The following STXBP5L variants were observed in gnomAD, a reference collection of about 807,000 sequenced individuals.
STXBP5L encodes syntaxin-binding protein 5-like.
A neutral mutation model predicts 144.5 loss-of-function variants in STXBP5L; 65 were observed. That is an observed-to-expected ratio of 0.45 (90% CI 0.37 to 0.55). The LOEUF is 0.55. Ranked by LOEUF, STXBP5L falls within the 20% of genes least tolerant of loss-of-function variation. The pLI, the probability that STXBP5L is intolerant of heterozygous loss-of-function variation, is 0.00. For missense variants in STXBP5L, 1,298 were observed against 1,405.5 expected (o/e 0.92, Z 1.22); for synonymous variants, 505 against 469.6 (o/e 1.08, Z -0.97).
In STXBP5L at chr3:121,206,019, AGGGAAAGAGG is replaced by A. The variant is rs2048321892; in HGVS notation, c.956+20_956+29del. Reference sequence around the variant, plus strand: ...AAAAACAGGTATGCATTTTTACTTTAGGGAAAGAGGGATACGAAGCAGAGACAAAAAATGC... The same window carrying A: ...AAAAACAGGTATGCATTTTTACTTTAGATACGAAGCAGAGACAAAAAATGC... On this transcript the variant is annotated intron_variant, in intron 10 of 26. Transcript: ENST00000471454. 1.4e-6 allele frequency: 2 copies of A among 1,408,726 alleles called. No homozygotes were observed. The allele number at this position is 1,408,726 out of a possible 1,614,324, so 87.3% of individuals were successfully genotyped here. A position where few individuals can be genotyped will look rare whatever the true frequency, so the allele number is the denominator to read the frequency against.
Position 121,104,475 on chromosome 3 carries a change from T to A in STXBP5L, c.471-10450T>A, listed in dbSNP as rs371583879. ...AGCAAAAAGAACAAATCTGGAGGCA[T>A]CACATGACCCGACTTCAAACTATAC... On this transcript the variant is annotated intron_variant, in intron 5 of 26. Transcript: ENST00000471454. Among the ~76,000 whole-genome samples, 8 of 152,264 alleles carry A rather than the reference T, an allele frequency of 5.3e-5. No individual in the cohort carries two copies. In the East Asian group the frequency reaches 1.5e-3, roughly 29 times the overall value.
chr3:121,187,158 C>G (rs1238094338), intron 9 of STXBP5L, among the ~76,000 whole-genome samples: 2 of 152,064 alleles, frequency 1.3e-5, no homozygotes, highest in African/African-American at 4.8e-5. Flanking sequence ...AGACTTGGAA[C>G]CAACTATGAT....
chr3:121,244,825 A>C (rs891556149), intron 14 of STXBP5L, among the ~76,000 whole-genome samples: 1 of 152,090 alleles, frequency 6.6e-6, no homozygotes, highest in African/African-American at 2.4e-5. Context: ...TTAGAATGCT[A>C]TATTTGTCAT....
intron 3 of STXBP5L, among the ~76,000 whole-genome samples, chr3:120,973,622 C>T (rs1940545837): frequency 6.6e-6 from 1 of 151,780 alleles, no homozygotes; most frequent in African/African-American, 2.4e-5. Flanking sequence ...ATACTTGTGC[C>T]ATTCTGGTGT....
chr3:121,235,859 A>T (rs556307074), intron 12 of STXBP5L, among the ~76,000 whole-genome samples: 58 of 151,906 alleles, frequency 3.8e-4, no homozygotes, highest in African/African-American at 1.2e-3. Flanking sequence ...ACACACACAC[A>T]CACACTATAT....
At chr3:121,347,333 C>T (rs370575149) in intron 20 of STXBP5L, among the ~76,000 whole-genome samples, 4 of 152,104 alleles carry the variant, frequency 2.6e-5, no homozygotes, top group Non-Finnish European at 5.9e-5. Flanking sequence ...GGTACCAGTA[C>T]CATGCTGTTT....
chr3:121,372,746 T>G (rs2046070590), intron 20 of STXBP5L, among the ~76,000 whole-genome samples: 1 of 151,990 alleles, frequency 6.6e-6, no homozygotes, highest in African/African-American at 2.4e-5. Context: ...CCTGGTCTCT[T>G]GGTGGGAGAT....
chr3:120,971,270 TG>T (rs1248855220), intron 3 of STXBP5L, among the ~76,000 whole-genome samples: 1 of 152,098 alleles, frequency 6.6e-6, no homozygotes, highest in African/African-American at 2.4e-5. Flanking sequence ...AGTGCAATTT[TG>T]TTACATGGAT....
chr3:121,158,009 T>C (rs2046181961), intron 9 of STXBP5L: 1 of 156,714 alleles, frequency 6.4e-6, no homozygotes, highest in African/African-American at 2.4e-5. Flanking sequence ...TACTACTTTA[T>C]AGTCTGTTGT....
intron 4 of STXBP5L, among the ~76,000 whole-genome samples, chr3:121,042,421 T>G (rs1487859967): frequency 6.6e-6 from 1 of 152,168 alleles, no homozygotes; most frequent in Non-Finnish European, 1.5e-5. Flanking sequence ...AATCAGATTT[T>G]TATAGTGGAA....
intron 19 of STXBP5L, among the ~76,000 whole-genome samples, chr3:121,286,475 A>G (rs1457572887): frequency 6.6e-6 from 1 of 152,192 alleles, no homozygotes; most frequent in African/African-American, 2.4e-5. Flanking sequence ...TTAAGTACAT[A>G]GTGATGAGTG....
intron 19 of STXBP5L, among the ~76,000 whole-genome samples, chr3:121,307,802 CATT>C (rs994424288): frequency 5.3e-5 from 8 of 151,806 alleles, no homozygotes; most frequent in African/African-American, 1.5e-4. Flanking sequence ...TTATGAAAAA[CATT>C]AATTACACAT....
At chr3:121,084,693 A>C (rs892869970) in intron 5 of STXBP5L, among the ~76,000 whole-genome samples, 5 of 152,184 alleles carry the variant, frequency 3.3e-5, no homozygotes, top group African/African-American at 1.2e-4. Context: ...TTTATAATAA[A>C]ATGATTTACA....
At chr3:121,027,580 C>T (rs778689594) in intron 3 of STXBP5L, among the ~76,000 whole-genome samples, 14 of 152,084 alleles carry the variant, frequency 9.2e-5, no homozygotes, top group Non-Finnish European at 1.9e-4. Flanking sequence ...TCAAAGTCCA[C>T]AGTGGTCAGT....
At chr3:121,203,068 T>C (rs2048199583) in intron 9 of STXBP5L, among the ~76,000 whole-genome samples, 1 of 139,464 alleles carries the variant, frequency 7.2e-6, no homozygotes, top group Non-Finnish European at 1.7e-5. Context: ...ATTCTTTTTT[T>C]CTGTTTTTTT....
intron 3 of STXBP5L, among the ~76,000 whole-genome samples, chr3:120,964,298 T>C (rs1939274418): frequency 6.6e-6 from 1 of 152,218 alleles, no homozygotes; most frequent in South Asian, 2.1e-4. Flanking sequence ...ATCTTAGTTA[T>C]TTCTTGCCTT....
intron 19 of STXBP5L, among the ~76,000 whole-genome samples, chr3:121,291,962 C>T (rs1425617505): frequency 1.3e-5 from 2 of 152,136 alleles, no homozygotes; most frequent in Non-Finnish European, 2.9e-5. Flanking sequence ...CTGAAGATAA[C>T]ATTGGAAAAA....
intron 3 of STXBP5L, among the ~76,000 whole-genome samples, chr3:120,971,111 G>T (rs589682): frequency 1.3e-5 from 2 of 151,950 alleles, no homozygotes; most frequent in African/African-American, 2.4e-5. Flanking sequence ...CTGTAGGGGG[G>T]AGGTTCCAGA....
At chr3:121,311,384 TTAGTA>T (rs1442262770) in intron 19 of STXBP5L, among the ~76,000 whole-genome samples, 1 of 152,226 alleles carries the variant, frequency 6.6e-6, no homozygotes, top group Admixed American at 6.5e-5. Context: ...GTGGCTTTAT[TTAGTA>T]TAGTAAAGAT....
Sources: allele counts gnomAD v4.1 joint callset (sites outside exome capture counted in the v4.1 genomes callset), GRCh38; gene constraint gnomAD v4.1.1; transcripts MANE v1.5; gene names NCBI Gene and HGNC (gene_info 2026-07-23, HGNC 2026-07-21).